The following FRMD6 variants were observed in gnomAD, a reference collection of about 807,000 sequenced individuals.
The protein encoded by FRMD6 is FERM domain containing 6.
A neutral mutation model predicts 73.2 loss-of-function variants in FRMD6; 37 were observed. The observed-to-expected ratio is 0.51, with a 90% CI of 0.39 to 0.66. The LOEUF (loss-of-function observed/expected upper bound fraction) is 0.66, where lower values mean the gene tolerates loss of function less well. Among genes scored for constraint, FRMD6 ranks in the 30% least tolerant of loss-of-function variants. The probability of loss-of-function intolerance (pLI) is 0.00; values close to 1 mark genes in which losing one functional copy is unlikely to be tolerated. For synonymous variants in FRMD6, 273 were observed against 282.2 expected (o/e 0.97, Z 0.33); for missense variants, 714 against 780.5 (o/e 0.91, Z 1.02).
At chr14:51,607,498 T>A (rs12880485) in intron 2 of FRMD6, among the ~76,000 whole-genome samples, 30,855 of 152,004 alleles carry the variant, frequency 0.2, 3,826 homozygotes, top group Non-Finnish European at 0.27. Context: ...TCAAATTTAC[T>A]TGACCATTTT....
chr14:51,531,169 A>G (rs528152304), intron 1 of FRMD6, among the ~76,000 whole-genome samples: 1 of 152,260 alleles, frequency 6.6e-6, no homozygotes, highest in African/African-American at 2.4e-5. Flanking sequence ...TGCATTGGAG[A>G]TTAAGTTTCC....
chr14:51,444,526 G>T, the FRMD6 span, among the ~76,000 whole-genome samples: 782 of 152,284 alleles, frequency 5.1e-3, 9 homozygotes, highest in Middle Eastern at 0.041. Context: ...GTGTTCAGTC[G>T]TTTAGTAAAA....
chr14:51,533,639 C>T (rs894386798), intron 1 of FRMD6, among the ~76,000 whole-genome samples: 3 of 152,146 alleles, frequency 2.0e-5, no homozygotes, highest in African/African-American at 7.2e-5. Context: ...CTACTAATGC[C>T]ATCCTTTAAA....
chr14:51,653,543 GA>G lies in FRMD6; in HGVS notation c.-147+1550del, dbSNP rs1312898212. On this transcript the variant is annotated intron_variant, in intron 1 of 13. Transcript: ENST00000344768. ...TAGGTTCAGCAGTGTTAAAGGATGA[GA>G]AATTTTTTTTTAGAATTTAGAGCAT... Among the ~76,000 whole-genome samples the G allele has an allele frequency of 6.6e-5, 10 of 152,178 alleles. No individual in the cohort carries two copies. The East Asian group carries it at 7.7e-4, about 12-fold the overall frequency.
At chr14:51,434,897 A>G in the FRMD6 span, among the ~76,000 whole-genome samples, 2 of 152,190 alleles carry the variant, frequency 1.3e-5, no homozygotes, top group Non-Finnish European at 2.9e-5. Context: ...TCTTGCAAAA[A>G]AGTATAATCA....
chr14:51,627,833 C>T (rs1891174721), intron 2 of FRMD6, among the ~76,000 whole-genome samples: 1 of 152,194 alleles, frequency 6.6e-6, no homozygotes, highest in African/African-American at 2.4e-5. Context: ...GAATAGTCAT[C>T]CCTCCATATC....
chr14:51,624,579 A>AGC (rs1229731338), intron 2 of FRMD6, among the ~76,000 whole-genome samples: 5 of 152,262 alleles, frequency 3.3e-5, no homozygotes, highest in African/African-American at 1.2e-4. Context: ...GCATGGTATG[A>AGC]GCGTGTGATC....
chr14:51,485,820 A>G (rs943779992), upstream of FRMD6, among the ~76,000 whole-genome samples: 1 of 152,162 alleles, frequency 6.6e-6, no homozygotes, highest in Non-Finnish European at 1.5e-5. Context: ...ACCTAAGCGA[A>G]AAACCTTTTC....
In FRMD6 at chr14:51,642,040, C is replaced by T. The variant is rs546498922; in HGVS notation, c.-146-47651C>T. Among the ~76,000 whole-genome samples the T allele has an allele frequency of 3.9e-5, 6 of 152,276 alleles. No individual in the cohort carries two copies. The South Asian group carries it at 1.2e-3, about 32-fold the overall frequency. ...CAAAATTTATTAATAAGGCCACGTA[C>T]CTTTTGTTTCACAATCATAGACTTA... On this transcript the variant is annotated intron_variant, in intron 2 of 14. Transcript: ENST00000356218.
At chr14:51,427,289 A>T in the FRMD6 span, among the ~76,000 whole-genome samples, 1 of 152,220 alleles carries the variant, frequency 6.6e-6, no homozygotes, top group East Asian at 1.9e-4. Context: ...CCATGCATGC[A>T]GGAGGAGGGA....
At chr14:51,659,813 A>T in intron 1 of FRMD6, among the ~76,000 whole-genome samples, 1 of 152,188 alleles carries the variant, frequency 6.6e-6, no homozygotes, top group East Asian at 1.9e-4. Context: ...GCAGTTCTTT[A>T]TTCCCAACCC....
chr14:51,705,665 T>C (rs1896583204), intron 6 of FRMD6, among the ~76,000 whole-genome samples: 1 of 152,132 alleles, frequency 6.6e-6, no homozygotes, highest in Admixed American at 6.6e-5. Flanking sequence ...AGAGGTAGTG[T>C]GTATTTGATT....
intron 1 of FRMD6, among the ~76,000 whole-genome samples, chr14:51,539,258 C>G (rs1886076168): frequency 6.6e-6 from 1 of 152,068 alleles, no homozygotes; most frequent in Non-Finnish European, 1.5e-5. Flanking sequence ...TTTCACCTCT[C>G]CCTCCCTGAG....
chr14:51,473,581 G>A, the FRMD6 span, among the ~76,000 whole-genome samples: 2,215 of 152,286 alleles, frequency 0.015, 56 homozygotes, highest in African/African-American at 0.051. Context: ...CCTTTCATAT[G>A]AAGGTATTAC....
intron 2 of FRMD6, chr14:51,575,650 T>A (rs1174191471): frequency 6.6e-6 from 1 of 152,252 alleles, no homozygotes; most frequent in East Asian, 1.9e-4. Context: ...ATGGCAGGAA[T>A]ACAGAGATTT....
At chr14:51,641,619 A>G (rs1000950547) in intron 2 of FRMD6, among the ~76,000 whole-genome samples, 2 of 152,074 alleles carry the variant, frequency 1.3e-5, no homozygotes, top group Non-Finnish European at 1.5e-5. Context: ...ATGATCCTTC[A>G]CCTCCAGCAA....
intron 2 of FRMD6, among the ~76,000 whole-genome samples, chr14:51,628,877 C>CTTTTCT (rs1555328712): frequency 1.0e-5 from 1 of 95,304 alleles, no homozygotes; most frequent in Non-Finnish European, 1.9e-5. Context: ...CTTTTCTTTT[C>CTTTTCT]TTTTTTTTTT....
At chr14:51,598,413 T>C (rs1371196094) in intron 2 of FRMD6, among the ~76,000 whole-genome samples, 1 of 152,256 alleles carries the variant, frequency 6.6e-6, no homozygotes, top group East Asian at 1.9e-4. Flanking sequence ...TAAAATAATT[T>C]TAACTTTTAG....
chr14:51,625,710 T>C (rs150809339), intron 2 of FRMD6, among the ~76,000 whole-genome samples: 38 of 152,324 alleles, frequency 2.5e-4, no homozygotes, highest in African/African-American at 8.9e-4. Context: ...GAGGTCTTTG[T>C]AGAATGTTCT....
Sources: allele counts gnomAD v4.1 joint callset (sites outside exome capture counted in the v4.1 genomes callset), GRCh38; gene constraint gnomAD v4.1.1; transcripts MANE v1.5; gene names NCBI Gene and HGNC (gene_info 2026-07-23, HGNC 2026-07-21).